ZBTB2: variants seen among roughly 807,000 people sequenced by gnomAD.
ZBTB2 encodes the protein zinc finger and BTB domain containing 2.
Under a neutral mutation model 39.5 loss-of-function variants are expected in ZBTB2, and 2 were observed. The observed-to-expected ratio is 0.05, with a 90% CI of 0.02 to 0.16. The LOEUF is 0.16. Ranked by LOEUF, ZBTB2 falls within the 10% of genes least tolerant of loss-of-function variation. ZBTB2 has a pLI of 1.00. For missense variants in ZBTB2, 391 were observed against 653.0 expected (o/e 0.60, Z 4.37); for synonymous variants, 251 against 256.6 (o/e 0.98, Z 0.21).
intron 2 of ZBTB2, among the ~76,000 whole-genome samples, chr6:151,368,188 C>T (rs1018226795): frequency 5.9e-5 from 9 of 152,092 alleles, no homozygotes; most frequent in African/African-American, 2.2e-4. Flanking sequence ...GCTCTGTCAC[C>T]CAGGCTGGAC....
In ZBTB2 at chr6:151,375,968, G is replaced by A. The variant is rs183246087; in HGVS notation, c.-12-2319C>T. The stretch of plus-strand genomic sequence containing the variant: ...ATAGTATTCAAGACTGTGTGGTATT[G>A]GCAGAGGGACAGAGAAGTGAATTAA... On this transcript the variant is annotated intron_variant, in intron 1 of 2. Transcript: ENST00000325144. 4.6e-5 allele frequency among the ~76,000 whole-genome samples: 7 copies of A among 152,262 alleles called. No individual in the cohort carries two copies. The East Asian group carries it at 1.3e-3, about 29-fold the overall frequency.
intron 1 of ZBTB2, among the ~76,000 whole-genome samples, chr6:151,383,210 G>A (rs1190433381): frequency 6.6e-6 from 1 of 151,900 alleles, no homozygotes; most frequent in Non-Finnish European, 1.5e-5. Context: ...GTGAGCCACC[G>A]CACCAGGCCT....
chr6:151,381,204 C>T (rs913618233), intron 1 of ZBTB2, among the ~76,000 whole-genome samples: 27 of 152,286 alleles, frequency 1.8e-4, no homozygotes, highest in African/African-American at 6.5e-4. Context: ...TGCGAAAGGG[C>T]AAACCTGATG....
chr6:151,385,851 T>G (rs1214907015), intron 1 of ZBTB2, among the ~76,000 whole-genome samples: 1 of 152,184 alleles, frequency 6.6e-6, no homozygotes, highest in Non-Finnish European at 1.5e-5. Flanking sequence ...TTTTAATACA[T>G]TTTAAAACTG....
At chr6:151,368,919 C>G (rs1168278570) in intron 2 of ZBTB2, among the ~76,000 whole-genome samples, 5 of 151,050 alleles carry the variant, frequency 3.3e-5, no homozygotes, top group East Asian at 2.0e-4. Context: ...GCCACCAGGC[C>G]CAGCTAATTT....
chr6:151,383,600 A>G (rs1779089191), intron 1 of ZBTB2, among the ~76,000 whole-genome samples: 1 of 152,140 alleles, frequency 6.6e-6, no homozygotes, highest in Non-Finnish European at 1.5e-5. Flanking sequence ...TACAATACTT[A>G]CTGCTCAAAG....
chr6:151,365,554 G>A lies in ZBTB2; in HGVS notation c.1512C>T (p.Ile504=), dbSNP rs761258934. Residue 504 remains isoleucine, a synonymous_variant, in exon 3 of 3, where the codon ATC becomes ATT. Transcript: ENST00000325144. The surrounding 1 kb of genome is among the most constrained non-coding windows in gnomAD (Gnocchi z 5.6). ...GTAAGACGGTTTCTTGTTCCTTTTT[G>A]ATGGAAGCTAACACTGGGTGGTCAG... is the stretch of plus-strand genomic sequence containing the variant. ...TEPDHPVLAS[I]KKEQETVLLD 2.7e-5 allele frequency: 43 copies of A among 1,609,404 alleles called. No individual in the cohort carries two copies. In the Admixed American group the frequency reaches 3.2e-4, roughly 12 times the overall value.
chr6:151,376,646 G>A (rs957646100), intron 1 of ZBTB2, among the ~76,000 whole-genome samples: 2 of 152,156 alleles, frequency 1.3e-5, no homozygotes, highest in East Asian at 3.9e-4. Context: ...TAAAACCACA[G>A]TATCACTGTG....
chr6:151,389,856 CT>C (rs1779244734), intron 1 of ZBTB2, among the ~76,000 whole-genome samples: 1 of 152,176 alleles, frequency 6.6e-6, no homozygotes, highest in African/African-American at 2.4e-5. Context: ...TTTATTGCCT[CT>C]TTTACTACCA....
chr6:151,377,335 G>A (rs1358540679), intron 1 of ZBTB2, among the ~76,000 whole-genome samples: 4 of 151,692 alleles, frequency 2.6e-5, no homozygotes, highest in East Asian at 1.9e-4. Flanking sequence ...TCTTGCAGCC[G>A]CATGACTCTG....
At chr6:151,374,930 T>TAAAAAAAA (rs71556221) in intron 1 of ZBTB2, among the ~76,000 whole-genome samples, 6 of 63,810 alleles carry the variant, frequency 9.4e-5, no homozygotes, top group African/African-American at 2.9e-4. Context: ...CCGTCTCTAC[T>TAAAAAAAA]AAAAAAAAAA....
chr6:151,377,520 G>C (rs952800826), intron 1 of ZBTB2, among the ~76,000 whole-genome samples: 66 of 143,714 alleles, frequency 4.6e-4, no homozygotes, highest in Non-Finnish European at 9.5e-4. Flanking sequence ...AGGTGCCCGC[G>C]ACCATGTCTG....
chr6:151,384,829 G>C (rs1659970376), intron 1 of ZBTB2, among the ~76,000 whole-genome samples: 1 of 152,206 alleles, frequency 6.6e-6, no homozygotes, highest in Admixed American at 6.5e-5. Context: ...CTACACTGTA[G>C]TTGAGAGAGG....
chr6:151,380,110 G>A (rs1474222024), intron 1 of ZBTB2, among the ~76,000 whole-genome samples: 2 of 150,222 alleles, frequency 1.3e-5, no homozygotes, highest in East Asian at 1.9e-4. Context: ...AAATACAGAG[G>A]AAAGAATACA....
chr6:151,384,343 C>G (rs559731021), intron 1 of ZBTB2, among the ~76,000 whole-genome samples: 15 of 152,072 alleles, frequency 9.9e-5, no homozygotes, highest in Non-Finnish European at 2.2e-4. Context: ...GTAGAGACTG[C>G]GGAACTAATC....
chr6:151,374,208 C>T (rs987526439), intron 1 of ZBTB2, among the ~76,000 whole-genome samples: 4 of 152,304 alleles, frequency 2.6e-5, no homozygotes, highest in South Asian at 2.1e-4. Context: ...AATAGTCCAG[C>T]TCCTGCTGTG....
chr6:151,383,838 C>T (rs1428319395), intron 1 of ZBTB2, among the ~76,000 whole-genome samples: 2 of 152,268 alleles, frequency 1.3e-5, no homozygotes, highest in Admixed American at 1.3e-4. Flanking sequence ...CATGTGTGAA[C>T]GAGCCAGTTT....
At chr6:151,378,869 ATTAAT>A (rs1243707667) in intron 1 of ZBTB2, among the ~76,000 whole-genome samples, 2 of 152,236 alleles carry the variant, frequency 1.3e-5, no homozygotes, top group African/African-American at 2.4e-5. Context: ...TACATATGCT[ATTAAT>A]TTAATTTCAC....
At chr6:151,385,216 AG>A (rs1779127321) in intron 1 of ZBTB2, among the ~76,000 whole-genome samples, 1 of 152,244 alleles carries the variant, frequency 6.6e-6, no homozygotes. Flanking sequence ...ACTTTTCTTA[AG>A]TAAATTCAGA....
Sources: gnomAD v4.1 joint callset for allele counts (sites outside exome capture counted in the v4.1 genomes callset) on GRCh38, gnomAD v4.1.1 for gene constraint, Gnocchi (gnomAD v3.1) non-coding constraint, MANE v1.5 for transcripts, NCBI Gene and HGNC (gene_info 2026-07-23, HGNC 2026-07-21) for gene names.